The following SETD2 variants were observed in gnomAD, a reference collection of about 807,000 sequenced individuals.
The protein encoded by SETD2 is SET domain containing 2, histone lysine methyltransferase, also known as histone-lysine N-methyltransferase SETD2.
SETD2 carries 31 observed loss-of-function variants against 242.1 expected under a neutral mutation model. The ratio of observed to expected loss-of-function variants is 0.13; its 90% CI spans 0.10 to 0.17. The LOEUF is 0.17. SETD2 is among the 10% of genes least tolerant of loss of function. The pLI is 1.00. For synonymous variants in SETD2, 1,006 were observed against 1,066.5 expected (o/e 0.94, Z 1.11); for missense variants, 2,481 against 3,046.3 (o/e 0.81, Z 4.37).
intron 1 of SETD2, among the ~76,000 whole-genome samples, chr3:47,136,668 TG>T (rs2043595670): frequency 1.3e-5 from 2 of 152,010 alleles, no homozygotes; most frequent in Non-Finnish European, 2.9e-5. Flanking sequence ...AATTACCTAA[TG>T]GGGGCTGGGT....
intron 18 of SETD2, among the ~76,000 whole-genome samples, chr3:47,023,794 G>A (rs2038347271): frequency 6.6e-6 from 1 of 152,086 alleles, no homozygotes. Context: ...ACAGCATATG[G>A]GAGTATGTGC....
intron 4 of SETD2, among the ~76,000 whole-genome samples, chr3:47,115,424 C>G (rs574182811): frequency 1.8e-4 from 28 of 152,272 alleles, no homozygotes; most frequent in African/African-American, 6.5e-4. Context: ...TATGTCTTCT[C>G]TTCTTACATC....
At position 47,078,912 on chromosome 3, in the gene SETD2, TAG is replaced by T. The variant is rs368166197; in HGVS notation, c.6060+4806_6060+4807del. ...TGCCTCGCTAATTTTTTAGTTTTTG[TAG>T]AGACAGGGTTTTGCTTTGTTGCCCA... On this transcript the variant is annotated intron_variant, in intron 12 of 20. Coordinates refer to ENST00000409792, the MANE Select transcript of SETD2 (RefSeq NM_014159.7). 4.4e-4 allele frequency among the ~76,000 whole-genome samples: 67 copies of T among 152,202 alleles called. No individual in the cohort carries two copies. The East Asian group carries it at 5.2e-3, about 12-fold the overall frequency.
intron 1 of SETD2, among the ~76,000 whole-genome samples, chr3:47,135,848 GTC>G (rs912770421): frequency 1.3e-5 from 2 of 151,982 alleles, no homozygotes; most frequent in Non-Finnish European, 2.9e-5. Flanking sequence ...TCTATCATCA[GTC>G]TCTCTCTCTT....
chr3:47,058,440 C>CAAA (rs1174283471), intron 14 of SETD2, among the ~76,000 whole-genome samples: 1,839 of 21,284 alleles, frequency 0.086, 8 homozygotes, highest in Non-Finnish European at 0.095. Context: ...GACACCGTCT[C>CAAA]AAAAAAAAAA....
rs369914066 is a variant in SETD2, at chr3:47,121,984, C to G, written c.2652G>C (p.Gln884His). Residue 884 changes from glutamine to histidine, a missense_variant, in exon 3 of 21, where the codon CAG becomes CAC. Physicochemically the swap from Gln to His is conservative, Grantham distance 24 (BLOSUM62 0). Coordinates refer to ENST00000409792, the MANE Select transcript of SETD2 (RefSeq NM_014159.7). ...CCACCTTTATTCCTGGTGGAAGACT[C>G]TGAAGAGATGAAGCAATACCTGAAC... ...IGSSGIASSL[Q>H]SLPPGIKVDS... 7.4e-6 allele frequency: 12 copies of G among 1,613,952 alleles called. No individual in the cohort carries two copies. Among genetic ancestry groups the G allele is most frequent in the Non-Finnish European group, 9.3e-6 (11 of 1,179,984 alleles).
chr3:47,117,261 CAA>C (rs5848820), intron 3 of SETD2, among the ~76,000 whole-genome samples: 3 of 66,488 alleles, frequency 4.5e-5, no homozygotes, highest in Non-Finnish European at 9.0e-5. Flanking sequence ...CCTGCATTAC[CAA>C]AAAAAAAAAA....
At chr3:47,152,025 T>G (rs1277946739) in intron 1 of SETD2, among the ~76,000 whole-genome samples, 2 of 152,150 alleles carry the variant, frequency 1.3e-5, no homozygotes, top group African/African-American at 4.8e-5. Flanking sequence ...ACTACTTCCT[T>G]ACACAAACTG....
chr3:47,120,647 G>C lies in SETD2; in HGVS notation c.3989C>G (p.Ser1330Cys), dbSNP rs897209847. Residue 1330 changes from serine (S) to cysteine (C), a missense_variant, in exon 3 of 21, where the codon TCC becomes TGC. Around this residue, in one of 17 missense-constraint regions of SETD2, gnomAD observed 1,300 missense variants for 1,259.2 expected, o/e 1.03. Coordinates refer to ENST00000409792, the MANE Select transcript of SETD2 (RefSeq NM_014159.7). ...CTCTTCTTCACGATCATCTGTTAGG[G>C]AATCTGGTACTTGTCCTTGAGTTCG... ...YDRTQGQVPD[S>C]LTDDREEEEN... The C allele has an allele frequency of 1.9e-6, 3 of 1,614,058 alleles. No individual in the cohort carries two copies. The highest frequency in any genetic ancestry group is 2.5e-6 in the Non-Finnish European group (3 of 1,180,038).
intron 1 of SETD2, among the ~76,000 whole-genome samples, chr3:47,160,687 A>G (rs1302168788): frequency 3.9e-5 from 6 of 152,142 alleles, no homozygotes; most frequent in Non-Finnish European, 8.8e-5. Context: ...TTGTACACCA[A>G]TTACCCTTAG....
intron 13 of SETD2, among the ~76,000 whole-genome samples, chr3:47,064,817 A>G (rs150436959): frequency 0.032 from 4,791 of 148,162 alleles, 223 homozygotes; most frequent in East Asian, 0.13. Flanking sequence ...AATATAAAAT[A>G]ATTATAAGCA....
At chr3:47,129,235 T>C (rs531030285) in intron 1 of SETD2, among the ~76,000 whole-genome samples, 1 of 152,290 alleles carries the variant, frequency 6.6e-6, no homozygotes, top group South Asian at 2.1e-4. Context: ...ATAAAATGTT[T>C]ATAATAAAAG....
rs531606908 is a variant in SETD2 at position 47,153,231 on chromosome 3, C to T, written c.71+10623G>A. 3.9e-5 allele frequency among the ~76,000 whole-genome samples: 6 copies of T among 152,192 alleles called. No homozygotes were observed. In the South Asian group the frequency reaches 1.2e-3, roughly 32 times the overall value. Reference sequence around the variant, plus strand: ...TAAACAAAGTAAATTTACACAAATTCCAAAGCTAAGAGACTCAAATACAAC... The same window carrying T: ...TAAACAAAGTAAATTTACACAAATTTCAAAGCTAAGAGACTCAAATACAAC... On this transcript the variant is annotated intron_variant, in intron 1 of 20. Coordinates refer to ENST00000409792, the MANE Select transcript of SETD2 (RefSeq NM_014159.7).
rs2039686100 is a variant in SETD2, at chr3:47,049,308, T to TAA, written c.6964-2688_6964-2687insTT. Among the ~76,000 whole-genome samples the TAA allele has an allele frequency of 7.6e-4, 3 of 3,956 alleles. No individual in the cohort carries two copies. In the South Asian group the frequency reaches 0.012, roughly 16 times the overall value. The allele number at this position is 3,956 out of a possible 152,430, so 2.6% of individuals were successfully genotyped here. On this transcript the variant is annotated intron_variant, in intron 15 of 20. Coordinates refer to ENST00000409792, the MANE Select transcript of SETD2 (RefSeq NM_014159.7). Reference sequence around the variant, plus strand: ...TTTTATAGAATAAGTTTTCTAAATATATATATATATATATATATATATATA... The same window carrying TAA: ...TTTTATAGAATAAGTTTTCTAAATATAAATATATATATATATATATATATATA...
At chr3:47,151,580 C>T (rs1044497101) in intron 1 of SETD2, among the ~76,000 whole-genome samples, 5 of 152,092 alleles carry the variant, frequency 3.3e-5, no homozygotes, top group African/African-American at 4.8e-5. Context: ...ATAATCCCAG[C>T]ATGTGGGGAG....
chr3:47,059,876 TG>T (rs1200649588), intron 14 of SETD2, among the ~76,000 whole-genome samples: 1 of 152,092 alleles, frequency 6.6e-6, no homozygotes, highest in African/African-American at 2.4e-5. Context: ...CTCTGCCTCC[TG>T]GGTTCAAGTG....
At chr3:47,044,344 C>CAAAAAAAAAAAAAAAAAAA (rs59408277) in intron 16 of SETD2, among the ~76,000 whole-genome samples, 11 of 33,948 alleles carry the variant, frequency 3.2e-4, no homozygotes, top group South Asian at 1.6e-3. Flanking sequence ...GACTTCATCT[C>CAAAAAAAAAAAAAAAAAAA]AAAAAAAAAA....
In SETD2 at chr3:47,042,618, T is replaced by G. The variant is rs756197752; in HGVS notation, c.7181A>C (p.Asn2394Thr). The change falls in exon 17 of 21, where the codon AAC (asparagine) becomes ACC (threonine). Residue 2394 changes from asparagine (N) to threonine (T), a missense_variant. Coordinates refer to ENST00000409792, the MANE Select transcript of SETD2 (RefSeq NM_014159.7). ...PKPKTIVLPP[N>T]WKTARDPEGK... Reference sequence around the variant, plus strand: ...TTCTGGATCTCGAGCTGTCTTCCAGTTGGGAGGTAAGACAATGGTTTTTGG... The same window carrying G: ...TTCTGGATCTCGAGCTGTCTTCCAGGTGGGAGGTAAGACAATGGTTTTTGG... 6.2e-7 allele frequency: 1 copy of G among 1,613,712 alleles called. No homozygotes were observed. The highest frequency in any genetic ancestry group is 1.3e-5 in the African/African-American group (1 of 74,890).
At chr3:47,093,059 C>T (rs2041867254) in intron 9 of SETD2, among the ~76,000 whole-genome samples, 1 of 151,976 alleles carries the variant, frequency 6.6e-6, no homozygotes, top group Non-Finnish European at 1.5e-5. Flanking sequence ...GTCCTTGCTC[C>T]CTAATTACTT....
Sources: allele counts gnomAD v4.1 joint callset (sites outside exome capture counted in the v4.1 genomes callset), GRCh38; gene constraint gnomAD v4.1.1; regional missense constraint gnomAD v4.1.1; transcripts MANE v1.5; gene names NCBI Gene and HGNC (gene_info 2026-07-23, HGNC 2026-07-21).